STK24: variants seen among roughly 807,000 people sequenced by gnomAD.
STK24 encodes serine/threonine-protein kinase 24.
In STK24, 21 loss-of-function variants were observed where a neutral mutation model predicts 55.6. That is an observed-to-expected ratio of 0.38 (90% CI 0.27 to 0.54). STK24 has a LOEUF of 0.54. Among genes scored for constraint, STK24 ranks in the 20% least tolerant of loss-of-function variants. The pLI is 0.79. For missense variants in STK24, 383 were observed against 538.4 expected (o/e 0.71, Z 2.86); for synonymous variants, 200 against 215.2 (o/e 0.93, Z 0.62).
chr13:98,530,188 A>T (rs1261169590), intron 1 of STK24, among the ~76,000 whole-genome samples: 1 of 152,194 alleles, frequency 6.6e-6, no homozygotes, highest in Non-Finnish European at 1.5e-5. Flanking sequence ...AGACAGAAAC[A>T]CACACAAATA....
chr13:98,573,935 G>A (rs1188388001), intron 1 of STK24, among the ~76,000 whole-genome samples: 1 of 152,134 alleles, frequency 6.6e-6, no homozygotes, highest in Non-Finnish European at 1.5e-5. Flanking sequence ...ATTGAAAAAT[G>A]GTGTTTATAC....
rs191447933 is a variant in STK24 at position 98,452,297 on chromosome 13, C to T, written c.*876G>A. On this transcript the variant is annotated 3_prime_UTR_variant, in exon 11 of 11. Coordinates refer to ENST00000539966, the MANE Select transcript of STK24 (RefSeq NM_001032296.4). Reference sequence around the variant, plus strand: ...CATCTGGCGCAGACCAGCAGTGGCACGATTCCAAACAAATGTCAGACGAGA... The same window carrying T: ...CATCTGGCGCAGACCAGCAGTGGCATGATTCCAAACAAATGTCAGACGAGA... 1.4e-4 allele frequency: 21 copies of T among 152,464 alleles called. No homozygotes were observed. Among genetic ancestry groups the T allele is most frequent in the East Asian group, 3.9e-4 (2 of 5,184 alleles). The allele number at this position is 152,464 out of a possible 1,614,324, so 9.4% of individuals were successfully genotyped here. A position where few individuals can be genotyped will look rare whatever the true frequency, so the allele number is the denominator to read the frequency against.
intron 5 of STK24, among the ~76,000 whole-genome samples, chr13:98,473,297 G>A (rs1325534842): frequency 7.7e-5 from 1 of 12,956 alleles, no homozygotes; most frequent in African/African-American, 2.8e-4. Flanking sequence ...GGGAGAGAGG[G>A]AAATCTAAAA....
intron 2 of STK24, among the ~76,000 whole-genome samples, chr13:98,498,405 G>A (rs1895327964): frequency 6.6e-6 from 1 of 152,248 alleles, no homozygotes; most frequent in African/African-American, 2.4e-5. Flanking sequence ...TCCTCCTACA[G>A]TCACTGGGCT....
chr13:98,571,989 G>A (rs552620720), intron 1 of STK24, among the ~76,000 whole-genome samples: 27 of 152,238 alleles, frequency 1.8e-4, no homozygotes, highest in African/African-American at 5.8e-4. Context: ...CCATACTTCC[G>A]GCTGTCTACA....
intron 2 of STK24, among the ~76,000 whole-genome samples, chr13:98,509,940 T>C (rs1895826193): frequency 6.6e-6 from 1 of 152,228 alleles, no homozygotes. Flanking sequence ...TAATAAGTCT[T>C]TGAACTTGGA....
chr13:98,554,966 G>A (rs560999313), intron 1 of STK24, among the ~76,000 whole-genome samples: 11 of 130,896 alleles, frequency 8.4e-5, no homozygotes, highest in Non-Finnish European at 1.2e-4. Flanking sequence ...AGTGAGCTGA[G>A]ATAGTGCTAC....
chr13:98,474,257 T>C (rs1326992474), intron 5 of STK24, among the ~76,000 whole-genome samples: 9 of 152,172 alleles, frequency 5.9e-5, no homozygotes, highest in Admixed American at 5.9e-4. Flanking sequence ...TAGGGTTTCA[T>C]CACATGTTGA....
At chr13:98,568,315 C>A (rs1437561081) in intron 1 of STK24, among the ~76,000 whole-genome samples, 9 of 151,734 alleles carry the variant, frequency 5.9e-5, no homozygotes, top group Non-Finnish European at 8.8e-5. Flanking sequence ...ACTAACTTAA[C>A]TCACAGTGCT....
intron 10 of STK24, chr13:98,456,503 A>G (rs761004131): frequency 5.8e-6 from 3 of 515,870 alleles, no homozygotes; most frequent in Non-Finnish European, 1.2e-5. Flanking sequence ...CACTGCCTCC[A>G]AACGCCTGCA....
At chr13:98,543,478 C>G (rs937228789) in intron 1 of STK24, among the ~76,000 whole-genome samples, 3 of 152,174 alleles carry the variant, frequency 2.0e-5, no homozygotes, top group Admixed American at 6.5e-5. Flanking sequence ...CATTCTGGTG[C>G]GTAATAAAGG....
intron 1 of STK24, among the ~76,000 whole-genome samples, chr13:98,538,221 G>A (rs1245777365): frequency 1.3e-5 from 1 of 79,208 alleles, no homozygotes; most frequent in Non-Finnish European, 2.9e-5. Context: ...TTTGGTGCTT[G>A]CTTTTTTTTT....
intron 9 of STK24, among the ~76,000 whole-genome samples, chr13:98,459,687 C>G (rs1893619342): frequency 6.6e-6 from 1 of 152,254 alleles, no homozygotes. Flanking sequence ...GGAAGATCCC[C>G]ACGCAAACAG....
At chr13:98,501,997 C>T (rs143742755) in intron 2 of STK24, among the ~76,000 whole-genome samples, 1 of 152,302 alleles carries the variant, frequency 6.6e-6, no homozygotes, top group East Asian at 1.9e-4. Context: ...CTTTAAGCTG[C>T]TGCCCCAGCT....
intron 10 of STK24, chr13:98,456,941 G>T: frequency 1.7e-6 from 1 of 595,032 alleles, no homozygotes. Flanking sequence ...AGCTACAAAT[G>T]CACTAAGTCC....
chr13:98,450,297 T>C lies in STK24; in HGVS notation c.*2876A>G, dbSNP rs1474837272. 6.6e-6 allele frequency: 1 copy of C among 152,348 alleles called. No individual in the cohort carries two copies. Among genetic ancestry groups the C allele is most frequent in the South Asian group, 2.1e-4 (1 of 4,832 alleles). The allele number at this position is 152,348 out of a possible 1,614,324, so 9.4% of individuals were successfully genotyped here. A position where few individuals can be genotyped will look rare whatever the true frequency, so the allele number is the denominator to read the frequency against. ...ACTCTGCCTTTGCTGACACATTTTATAGCAGAAATACACAAGCTGTTTTTA... is the reference window on the plus strand; with the variant it reads ...ACTCTGCCTTTGCTGACACATTTTACAGCAGAAATACACAAGCTGTTTTTA... On this transcript the variant is annotated 3_prime_UTR_variant, in exon 11 of 11. Coordinates refer to ENST00000539966, the MANE Select transcript of STK24 (RefSeq NM_001032296.4).
rs1194470118 is a variant in STK24 at position 98,463,794 on chromosome 13, G to C, written c.826C>G (p.Arg276Gly). The change falls in exon 7 of 11, where the codon CGC (arginine) becomes GGC (glycine). Residue 276 changes from arginine (R) to glycine (G), a missense_variant. Transcript: ENST00000539966. ...KELLKHKFIL[R>G]NAKKTSYLTE... ...AAGTAGGAAGTTTTCTTTGCATTGCGTAGTATAAACTTGTGCTTCAATAAC... is the reference window on the plus strand; with the variant it reads ...AAGTAGGAAGTTTTCTTTGCATTGCCTAGTATAAACTTGTGCTTCAATAAC... 1 of 1,614,126 alleles carries C rather than the reference G, an allele frequency of 6.2e-7. No homozygotes were observed. Among genetic ancestry groups the C allele is most frequent in the Admixed American group, 1.7e-5 (1 of 60,022 alleles).
Position 98,521,748 on chromosome 13 carries a change from T to G in STK24, c.43-2275A>C, listed in dbSNP as rs201311406. On this transcript the variant is annotated intron_variant, in intron 1 of 10. Transcript: ENST00000539966. ...ACCCCGTTTTCAGCAGCTACTATCCTCGCTGCTTTCATGCCCTCTCCCTTA... is the reference window on the plus strand; with the variant it reads ...ACCCCGTTTTCAGCAGCTACTATCCGCGCTGCTTTCATGCCCTCTCCCTTA... 416 of 779,430 alleles carry G rather than the reference T, an allele frequency of 5.3e-4. 3 individuals are homozygous for G. The East Asian group carries it at 9.8e-3, about 18-fold the overall frequency. The allele number at this position is 779,430 out of a possible 1,614,324, so 48.3% of individuals were successfully genotyped here. A position where few individuals can be genotyped will look rare whatever the true frequency, so the allele number is the denominator to read the frequency against.
intron 2 of STK24, among the ~76,000 whole-genome samples, chr13:98,492,195 C>T (rs1259842039): frequency 6.6e-6 from 1 of 151,992 alleles, no homozygotes; most frequent in African/African-American, 2.4e-5. Context: ...ATTTTAGCAA[C>T]TCCTTCAGGG....
Sources: gnomAD v4.1 joint callset for allele counts (sites outside exome capture counted in the v4.1 genomes callset) on GRCh38, gnomAD v4.1.1 for gene constraint, MANE v1.5 for transcripts, NCBI Gene and HGNC (gene_info 2026-07-23, HGNC 2026-07-21) for gene names.